The following RELL1 variants were observed in gnomAD, a reference collection of about 807,000 sequenced individuals.
The protein encoded by RELL1 is RELT like 1, also known as RELT-like protein 1.
A neutral mutation model predicts 23.0 loss-of-function variants in RELL1; 10 were observed. That is an observed-to-expected ratio of 0.43 (90% confidence interval 0.27 to 0.74). RELL1 has a LOEUF of 0.74. Among genes scored for constraint, RELL1 ranks in the 30% least tolerant of loss-of-function variants. The pLI is 0.19. For missense variants in RELL1, 315 were observed against 364.4 expected (o/e 0.86, Z 1.10); for synonymous variants, 146 against 146.8 (o/e 0.99, Z 0.04).
In RELL1 at chr4:37,635,061, C is replaced by CT. The variant is rs1402855060; in HGVS notation, c.505_506insA (p.Gly169GlufsTer28). ...GCCACAGACGTGCTTCCCTGGCGTC[C>CT]CCCCTGGTGACAAAGGCCCAGGACT... On this transcript the variant is annotated frameshift_variant, in exon 5 of 7. Transcript: ENST00000454158. LOFTEE classifies it high-confidence loss of function. The CT allele has an allele frequency of 6.2e-7, 1 of 1,614,208 alleles. No individual in the cohort carries two copies. Among genetic ancestry groups the CT allele is most frequent in the Non-Finnish European group, 8.5e-7 (1 of 1,180,042 alleles).
Position 37,669,313 on chromosome 4 carries a change from G to T in RELL1, c.88+16887C>A, listed in dbSNP as rs1577605030. ...TCTGCCCGGCCGCCTCTACTGGGAA[G>T]TGAGGAGCCCCTCTGCCTGGCCAGC... On this transcript the variant is annotated intron_variant, in intron 1 of 6. Transcript: ENST00000454158. Among the ~76,000 whole-genome samples, 5 of 149,798 alleles carry T rather than the reference G, an allele frequency of 3.3e-5. 1 individual carries two copies. Among genetic ancestry groups the T allele is most frequent in the Admixed American group, 1.3e-4 (2 of 15,186 alleles).
At chr4:37,606,962 T>G (rs1328594247), downstream of RELL1, among the ~76,000 whole-genome samples, 1 of 152,224 alleles carries the variant, frequency 6.6e-6, no homozygotes, top group Non-Finnish European at 1.5e-5. This position sits in a 1 kb window ranked among gnomAD's most constrained non-coding sequence, Gnocchi z 4.1. Context: ...ACGGGTAATA[T>G]GTACCATCAC....
chr4:37,635,781 T>C (rs1386184405), intron 4 of RELL1, among the ~76,000 whole-genome samples: 1 of 152,226 alleles, frequency 6.6e-6, no homozygotes, highest in Non-Finnish European at 1.5e-5. Flanking sequence ...ATTTCTCACA[T>C]ACCAGAGTGT....
rs138106928 is a variant in RELL1 at position 37,614,112 on chromosome 4, G to A, written c.*4-770C>T. On this transcript the variant is annotated intron_variant, in intron 6 of 6. Coordinates refer to ENST00000454158, the MANE Select transcript of RELL1 (RefSeq NM_001085400.2). ...CTAAACAAAACCAGAGATAGACCCA[G>A]CTTGCAGAAATATGAAGAAATAGCA... Among the ~76,000 whole-genome samples, 1,076 of 152,308 alleles carry A rather than the reference G, an allele frequency of 7.1e-3. 14 individuals are homozygous for A. The highest frequency in any genetic ancestry group is 0.022 in the South Asian group (108 of 4,822).
intron 1 of RELL1, among the ~76,000 whole-genome samples, chr4:37,650,691 G>A (rs773333514): frequency 1.3e-5 from 2 of 151,886 alleles, no homozygotes; most frequent in African/African-American, 4.8e-5. Context: ...ATATATGAGA[G>A]ACAGTTTGAT....
At chr4:37,590,919 G>A (rs747862182) in exon 7 of RELL1, 2 of 1,614,226 alleles carry the variant, frequency 1.2e-6, no homozygotes, top group Non-Finnish European at 1.7e-6. Flanking sequence ...GGGAGATTGT[G>A]GACGAGGATG....
intron 6 of RELL1, among the ~76,000 whole-genome samples, chr4:37,604,966 TAC>T (rs1235438113): frequency 1.5e-5 from 2 of 133,128 alleles, no homozygotes; most frequent in Admixed American, 7.7e-5. Context: ...GACACACACA[TAC>T]ACACAGTACT....
chr4:37,624,084 A>G (rs1577571345), intron 6 of RELL1, among the ~76,000 whole-genome samples: 1 of 152,296 alleles, frequency 6.6e-6, no homozygotes, highest in Admixed American at 6.5e-5. Context: ...CCTGCCACAG[A>G]GTCCAAAAAA....
intron 1 of RELL1, among the ~76,000 whole-genome samples, chr4:37,674,994 C>A (rs1721974812): frequency 1.3e-5 from 2 of 152,172 alleles, no homozygotes; most frequent in African/African-American, 4.8e-5. Flanking sequence ...TAATGTGTGT[C>A]TTTTCAGGAA....
At chr4:37,635,367 T>A (rs1279051889) in intron 4 of RELL1, among the ~76,000 whole-genome samples, 1 of 152,160 alleles carries the variant, frequency 6.6e-6, no homozygotes, top group Non-Finnish European at 1.5e-5. Context: ...AGCTCATGCC[T>A]ATAATCCCAG....
intron 6 of RELL1, chr4:37,591,475 C>T (rs1718604655): frequency 1.3e-5 from 2 of 153,902 alleles, no homozygotes; most frequent in Non-Finnish European, 2.9e-5. Flanking sequence ...TAAAGTGCCT[C>T]ATGTGTCCCC....
chr4:37,663,522 G>A (rs1417170068), intron 1 of RELL1, among the ~76,000 whole-genome samples: 2 of 152,208 alleles, frequency 1.3e-5, no homozygotes, highest in Non-Finnish European at 2.9e-5. Context: ...ATTGTCAATC[G>A]CAGCATTCAC....
rs116441860 is a variant in RELL1, at chr4:37,602,168, G to C, written c.*4-10951C>G. On this transcript the variant is annotated intron_variant, in intron 6 of 6. Transcript: ENST00000314117. ...GGAGGTCGAGGCTCTGGTGAGCCAT[G>C]ATTGTGCCACTGCATTCAAGCCTAG... 3.6e-5 allele frequency among the ~76,000 whole-genome samples: 5 copies of C among 138,240 alleles called. No homozygotes were observed. The Admixed American group carries it at 3.8e-4, about 10-fold the overall frequency. The allele number at this position is 138,240 out of a possible 152,430, so 90.7% of individuals were successfully genotyped here.
intron 5 of RELL1, among the ~76,000 whole-genome samples, chr4:37,632,673 T>C (rs1431821282): frequency 6.6e-6 from 1 of 152,072 alleles, no homozygotes; most frequent in Non-Finnish European, 1.5e-5. Flanking sequence ...ACACATTTTA[T>C]CAGCATTAGG....
At chr4:37,586,307 A>G (rs1718338066), downstream of RELL1, among the ~76,000 whole-genome samples, 1 of 152,200 alleles carries the variant, frequency 6.6e-6, no homozygotes, top group Non-Finnish European at 1.5e-5. Flanking sequence ...CAACAGGTTC[A>G]CTGATAGTGC....
intron 3 of RELL1, among the ~76,000 whole-genome samples, chr4:37,639,625 C>T (rs1167599261): frequency 6.6e-6 from 1 of 152,074 alleles, no homozygotes; most frequent in Non-Finnish European, 1.5e-5. Context: ...GGTCACGCTC[C>T]CCAGGATGAA....
intron 1 of RELL1, among the ~76,000 whole-genome samples, chr4:37,669,414 G>A (rs1412982272): frequency 5.6e-4 from 84 of 149,252 alleles, no homozygotes; most frequent in Admixed American, 9.3e-4. Flanking sequence ...GAGGTGGGGG[G>A]GTCAGCCCCC....
chr4:37,682,547 T>A (rs541097077), intron 1 of RELL1, among the ~76,000 whole-genome samples: 2 of 152,350 alleles, frequency 1.3e-5, no homozygotes, highest in South Asian at 4.1e-4. Flanking sequence ...AATTCAACTC[T>A]TCAAATTTCC....
At chr4:37,653,150 C>A (rs544665548) in intron 1 of RELL1, among the ~76,000 whole-genome samples, 3 of 152,174 alleles carry the variant, frequency 2.0e-5, no homozygotes, top group Non-Finnish European at 2.9e-5. Context: ...AGGCAGATAG[C>A]TACTGATAAA....
Sources: allele counts gnomAD v4.1 joint callset (sites outside exome capture counted in the v4.1 genomes callset), GRCh38; gene constraint gnomAD v4.1.1; non-coding constraint Gnocchi (gnomAD v3.1); transcripts MANE v1.5; gene names NCBI Gene and HGNC (gene_info 2026-07-23, HGNC 2026-07-21).